The following PKN2 variants were observed in gnomAD, a reference collection of about 807,000 sequenced individuals.
PKN2 encodes protein kinase N2, also known as serine/threonine-protein kinase N2.
PKN2 carries 38 observed loss-of-function variants against 119.1 expected under a neutral mutation model. The observed-to-expected ratio is 0.32, with a 90% CI of 0.25 to 0.42. The LOEUF (loss-of-function observed/expected upper bound fraction) is 0.42, where lower values mean the gene tolerates loss of function less well. Among genes scored for constraint, PKN2 ranks in the 10% least tolerant of loss-of-function variants. The pLI, the probability that PKN2 is intolerant of heterozygous loss-of-function variation, is 1.00. For synonymous variants in PKN2, 390 were observed against 384.9 expected (o/e 1.01, Z -0.15); for missense variants, 850 against 1,165.1 (o/e 0.73, Z 3.94).
chr1:88,735,260 A>G (rs529797291), intron 1 of PKN2, among the ~76,000 whole-genome samples: 4 of 152,136 alleles, frequency 2.6e-5, no homozygotes, highest in African/African-American at 9.6e-5. Context: ...ATGGACTTGA[A>G]TGATCCTCCC....
At chr1:88,826,574 AC>A (rs1217397136) in intron 18 of PKN2, among the ~76,000 whole-genome samples, 1 of 151,414 alleles carries the variant, frequency 6.6e-6, no homozygotes, top group African/African-American at 2.4e-5. Flanking sequence ...CTCATCATCC[AC>A]CCCCCTTCCA....
intron 2 of PKN2, among the ~76,000 whole-genome samples, chr1:88,754,265 CCTCT>C (rs199512380): frequency 6.7e-6 from 1 of 150,024 alleles, no homozygotes; most frequent in Non-Finnish European, 1.5e-5. Context: ...TCGCATTTTT[CCTCT>C]CTTTCTCTTT....
chr1:88,830,805 T>G (rs186308941), intron 19 of PKN2, among the ~76,000 whole-genome samples: 28 of 152,246 alleles, frequency 1.8e-4, no homozygotes, highest in Non-Finnish European at 2.9e-4. Flanking sequence ...TTCTCTTTAG[T>G]ATCTCCACAA....
In PKN2 at chr1:88,813,733, T is replaced by C; in HGVS notation, c.2279T>C (p.Val760Ala). ...GATGTCTTTTCTGAACCAAGAGCTG[T>C]GTGAGTATGCTTTAGACATTTGTCT... The part of the protein sequence containing the change: ...HTDVFSEPRA[V>A]FYAACVVLGL... The change falls in exon 16 of 22, where the codon GTA becomes GCA. Residue 760 changes from valine (V) to alanine (A), a missense_variant and splice_region_variant. Transcript: ENST00000370521. 6.3e-7 allele frequency: 1 copy of C among 1,585,906 alleles called. No individual in the cohort carries two copies. Among genetic ancestry groups the C allele is most frequent in the East Asian group, 2.3e-5 (1 of 43,006 alleles).
rs186739635 is a variant in PKN2, at chr1:88,826,162, C to A, written c.2419+1776C>A. Among the ~76,000 whole-genome samples the A allele has an allele frequency of 3.3e-5, 5 of 152,264 alleles. No homozygotes were observed. In the East Asian group the frequency reaches 9.6e-4, roughly 29 times the overall value. On this transcript the variant is annotated intron_variant, in intron 18 of 21. Coordinates refer to ENST00000370521, the MANE Select transcript of PKN2 (RefSeq NM_006256.4). ...CCATTTCCCTCCAGTCTCCTGTAAGCCCCTTAAAGACTGTGTCTTACTCTC... is the reference window on the plus strand; with the variant it reads ...CCATTTCCCTCCAGTCTCCTGTAAGACCCTTAAAGACTGTGTCTTACTCTC...
intron 2 of PKN2, among the ~76,000 whole-genome samples, chr1:88,759,025 T>C (rs1212067501): frequency 6.6e-6 from 1 of 152,234 alleles, no homozygotes; most frequent in Non-Finnish European, 1.5e-5. Context: ...GCATTGCTTT[T>C]TCCCTGCATT....
intron 2 of PKN2, among the ~76,000 whole-genome samples, chr1:88,759,906 A>G (rs1669371949): frequency 6.6e-6 from 1 of 152,228 alleles, no homozygotes; most frequent in Admixed American, 6.5e-5. Flanking sequence ...AGGGGTTCAT[A>G]GCCAAATTCT....
At chr1:88,753,971 A>C (rs556550862) in intron 2 of PKN2, among the ~76,000 whole-genome samples, 2 of 152,188 alleles carry the variant, frequency 1.3e-5, no homozygotes, top group Admixed American at 1.3e-4. Flanking sequence ...AACTGCCATA[A>C]ATTTAACTGT....
chr1:88,715,790 T>C (rs1667425464), intron 1 of PKN2, among the ~76,000 whole-genome samples: 1 of 152,224 alleles, frequency 6.6e-6, no homozygotes, highest in Non-Finnish European at 1.5e-5. Context: ...TTTCTCTGTC[T>C]CTTTCAGTTC....
rs147939444 is a variant in PKN2 at position 88,758,682 on chromosome 1, C to T, written c.350-1540C>T. On this transcript the variant is annotated intron_variant, in intron 2 of 21. Coordinates refer to ENST00000370521, the MANE Select transcript of PKN2 (RefSeq NM_006256.4). ...TTGCTAAGGATAATAGCCTCCAGCT[C>T]CATCCATGTTCCTGCAGAGGACATG... 5.1e-3 allele frequency among the ~76,000 whole-genome samples: 776 copies of T among 152,156 alleles called. 3 individuals carry two copies. The highest frequency in any genetic ancestry group is 0.018 in the African/African-American group (731 of 41,510).
intron 8 of PKN2, among the ~76,000 whole-genome samples, chr1:88,795,848 T>C (rs1353311517): frequency 2.0e-5 from 3 of 152,148 alleles, no homozygotes; most frequent in Non-Finnish European, 4.4e-5. Flanking sequence ...AGGCGACATA[T>C]TGAGATTGAC....
intron 3 of PKN2, among the ~76,000 whole-genome samples, chr1:88,764,768 G>A (rs764908237): frequency 6.6e-6 from 1 of 152,178 alleles, no homozygotes; most frequent in Non-Finnish European, 1.5e-5. Context: ...CGTTACATAA[G>A]TAGTATAGCT....
In PKN2 at chr1:88,699,975, G is replaced by C. The variant is rs187903804; in HGVS notation, c.48+15347G>C. On this transcript the variant is annotated intron_variant, in intron 1 of 21. Transcript: ENST00000370521. ...TTTTTGTATTTTTAGTAGAGACAGGGTTTCACTGTTTTGGCCAGGCTGGTC... is the reference window on the plus strand; with the variant it reads ...TTTTTGTATTTTTAGTAGAGACAGGCTTTCACTGTTTTGGCCAGGCTGGTC... Among the ~76,000 whole-genome samples the C allele has an allele frequency of 1.1e-4, 17 of 152,002 alleles. No homozygotes were observed. The East Asian group carries it at 3.3e-3, about 29-fold the overall frequency.
chr1:88,713,714 C>T (rs1231095305), intron 1 of PKN2, among the ~76,000 whole-genome samples: 1 of 152,132 alleles, frequency 6.6e-6, no homozygotes, highest in East Asian at 1.9e-4. Flanking sequence ...AAAATTTTCT[C>T]CCATTCTGTA....
At chr1:88,717,844 G>A (rs564423818) in intron 1 of PKN2, among the ~76,000 whole-genome samples, 2 of 152,126 alleles carry the variant, frequency 1.3e-5, no homozygotes, top group Non-Finnish European at 2.9e-5. Context: ...TTGTTGGCAA[G>A]GAGCTGCGAT....
intron 8 of PKN2, among the ~76,000 whole-genome samples, chr1:88,790,326 A>T (rs549097582): frequency 6.6e-6 from 1 of 152,226 alleles, no homozygotes; most frequent in Non-Finnish European, 1.5e-5. Context: ...GAGATGATAT[A>T]TGTCTGAAAA....
chr1:88,827,368 C>T (rs1170474183), intron 18 of PKN2, among the ~76,000 whole-genome samples: 6 of 151,896 alleles, frequency 4.0e-5, no homozygotes, highest in Non-Finnish European at 8.8e-5. Flanking sequence ...TAAATAATGA[C>T]ATATCTTGAG....
intron 18 of PKN2, 41 bp from the exon 19 acceptor site, chr1:88,828,440 G>A (rs537942440): frequency 6.6e-7 from 1 of 1,514,970 alleles, no homozygotes; most frequent in African/African-American, 1.4e-5. Context: ...TGCTAGATTT[G>A]TTTTCTTTGC....
At chr1:88,812,437 A>G (rs971723750) in intron 15 of PKN2, among the ~76,000 whole-genome samples, 3 of 152,302 alleles carry the variant, frequency 2.0e-5, no homozygotes, top group East Asian at 1.9e-4. Flanking sequence ...TGAGTCACCC[A>G]TAAATAAAAA....
Sources: allele counts gnomAD v4.1 joint callset (sites outside exome capture counted in the v4.1 genomes callset), GRCh38; gene constraint gnomAD v4.1.1; transcripts MANE v1.5; gene names NCBI Gene and HGNC (gene_info 2026-07-23, HGNC 2026-07-21).